Variants in DYRK1A observed in about 807,000 individuals in gnomAD.
DYRK1A encodes dual specificity tyrosine-phosphorylation-regulated kinase 1A.
DYRK1A carries 9 observed loss-of-function variants against 79.7 expected under a neutral mutation model. The ratio of observed to expected loss-of-function variants is 0.11; its 90% CI spans 0.07 to 0.20. The LOEUF (loss-of-function observed/expected upper bound fraction) is 0.20. DYRK1A is among the 10% of genes least tolerant of loss of function. The probability of loss-of-function intolerance (pLI) is 1.00; values close to 1 mark genes in which losing one functional copy is unlikely to be tolerated. For missense variants in DYRK1A, 622 were observed against 956.0 expected (o/e 0.65, Z 4.61); for synonymous variants, 349 against 329.7 (o/e 1.06, Z -0.63).
At chr21:37,454,420 T>C (rs1360510331) in intron 2 of DYRK1A, among the ~76,000 whole-genome samples, 1 of 152,136 alleles carries the variant, frequency 6.6e-6, no homozygotes, top group Non-Finnish European at 1.5e-5. Flanking sequence ...CAAAGTCTTA[T>C]TTGAGGTTGA....
At chr21:37,397,688 C>T (rs1218293563) in intron 1 of DYRK1A, among the ~76,000 whole-genome samples, 1 of 152,160 alleles carries the variant, frequency 6.6e-6, no homozygotes, top group African/African-American at 2.4e-5. Flanking sequence ...GCCTGGGGTC[C>T]TTGTTCAAAA....
intron 1 of DYRK1A, among the ~76,000 whole-genome samples, chr21:37,417,785 T>C (rs1173884224): frequency 2.6e-5 from 4 of 152,064 alleles, no homozygotes; most frequent in Admixed American, 1.3e-4. Context: ...CAAAAAACCA[T>C]GTAAGCTCGG....
chr21:37,476,818 T>TCCC lies in DYRK1A; in HGVS notation c.208-1380_208-1378dup, dbSNP rs71328590. Among the ~76,000 whole-genome samples the TCCC allele has an allele frequency of 7.4e-3, 576 of 77,974 alleles. 17 individuals carry two copies. The highest frequency in any genetic ancestry group is 0.023 in the East Asian group (53 of 2,276). 51.2% of individuals were successfully genotyped at this position (77,974 alleles called of 152,430 possible). A position where few individuals can be genotyped will look rare whatever the true frequency, so the allele number is the denominator to read the frequency against. On this transcript the variant is annotated intron_variant, in intron 3 of 11. Coordinates refer to ENST00000647188, the MANE Select transcript of DYRK1A (RefSeq NM_001347721.2). ...GACAAATAGTATAATCACCAAGGGTTCCCCCCCCCCCCAACCTTATTTGGA... is the reference window on the plus strand; with the variant it reads ...GACAAATAGTATAATCACCAAGGGTTCCCCCCCCCCCCCCCAACCTTATTTGGA...
intron 6 of DYRK1A, 49 bp downstream of exon 6, chr21:37,486,663 TTTGAGTTAATGG>T (rs2052880477): frequency 2.2e-6 from 3 of 1,374,690 alleles, no homozygotes; most frequent in Non-Finnish European, 2.9e-6. Flanking sequence ...ACACCAAAAC[TTTGAGTTAATGG>T]TTCTTTTCTA....
chr21:37,371,689 GATAC>G (rs2049433483), intron 1 of DYRK1A, among the ~76,000 whole-genome samples: 2 of 152,120 alleles, frequency 1.3e-5, no homozygotes, highest in Non-Finnish European at 2.9e-5. Flanking sequence ...GCTCATATCT[GATAC>G]ATAGTGAGTA....
chr21:37,404,985 C>T lies in DYRK1A; in HGVS notation c.-76-15314C>T, dbSNP rs1333929166. Among the ~76,000 whole-genome samples, 7 of 152,136 alleles carry T rather than the reference C, an allele frequency of 4.6e-5. No individual in the cohort carries two copies. In the East Asian group the frequency reaches 1.2e-3, roughly 25 times the overall value. ...TATCCAGCGTCATGATTCCAGAATA[C>T]AGTTTTGCTCTTACGGCATGTACAT... On this transcript the variant is annotated intron_variant, in intron 1 of 11. Transcript: ENST00000647188.
At chr21:37,455,854 C>T (rs2148513420) in intron 2 of DYRK1A, among the ~76,000 whole-genome samples, 1 of 152,308 alleles carries the variant, frequency 6.6e-6, no homozygotes, top group South Asian at 2.1e-4. Context: ...TAAACCCATT[C>T]TGCAGATGGA....
At chr21:37,489,904 T>C (rs1403956865) in intron 6 of DYRK1A, among the ~76,000 whole-genome samples, 1 of 152,188 alleles carries the variant, frequency 6.6e-6, no homozygotes, top group African/African-American at 2.4e-5. Flanking sequence ...TGTTTTCAGA[T>C]CTGACTTTTA....
chr21:37,429,562 C>A (rs971786671), intron 2 of DYRK1A, among the ~76,000 whole-genome samples: 1 of 152,118 alleles, frequency 6.6e-6, no homozygotes, highest in Admixed American at 6.5e-5. Flanking sequence ...AACCAGATCT[C>A]GCGAGAACGT....
chr21:37,491,484 C>T (rs574034242), intron 7 of DYRK1A, among the ~76,000 whole-genome samples: 1 of 152,206 alleles, frequency 6.6e-6, no homozygotes, highest in East Asian at 1.9e-4. Flanking sequence ...GTGAAATTTT[C>T]TGTCCCGTCC....
intron 11 of DYRK1A, among the ~76,000 whole-genome samples, chr21:37,508,922 C>A (rs1396817639): frequency 6.6e-6 from 1 of 152,204 alleles, no homozygotes. Flanking sequence ...TTGTCTTCTT[C>A]CCTTTCTTTC....
chr21:37,396,159 G>A (rs574484911), intron 1 of DYRK1A, among the ~76,000 whole-genome samples: 75 of 152,052 alleles, frequency 4.9e-4, no homozygotes, highest in African/African-American at 1.7e-3. Flanking sequence ...GAGGCATATT[G>A]TTATCTGGGT....
chr21:37,504,560 A>G (rs2053541168), intron 9 of DYRK1A: 1 of 152,238 alleles, frequency 6.6e-6, no homozygotes, highest in African/African-American at 2.4e-5. Context: ...GCATTGTAAC[A>G]GAAGTCAAAG....
At position 37,486,675 on chromosome 21, in the gene DYRK1A, G is replaced by A. The variant is rs557146136; in HGVS notation, c.637+61G>A. ...CCCACACCAAAACTTTGAGTTAATG[G>A]TTCTTTTCTATCAAAATATTTTGAT... is the stretch of plus-strand genomic sequence containing the variant. On this transcript the variant is annotated intron_variant, in intron 6 of 11. Coordinates refer to ENST00000647188, the MANE Select transcript of DYRK1A (RefSeq NM_001347721.2). The A allele has an allele frequency of 3.3e-5, 45 of 1,346,676 alleles. No individual in the cohort carries two copies. In the Admixed American group the frequency reaches 1.4e-3, roughly 40 times the overall value. 83.4% of individuals were successfully genotyped at this position (1,346,676 alleles called of 1,614,324 possible).
chr21:37,497,679 C>T (rs1219792450), intron 9 of DYRK1A, among the ~76,000 whole-genome samples: 4 of 152,082 alleles, frequency 2.6e-5, no homozygotes, highest in Admixed American at 2.6e-4. Flanking sequence ...ATAAAACATC[C>T]CATTCCATCT....
At chr21:37,376,198 C>T (rs1294797324) in intron 1 of DYRK1A, among the ~76,000 whole-genome samples, 1 of 152,098 alleles carries the variant, frequency 6.6e-6, no homozygotes, top group East Asian at 1.9e-4. Context: ...TCCATGTGCC[C>T]TTTACTGAGA....
At position 37,506,196 on chromosome 21, in the gene DYRK1A, C is replaced by G; in HGVS notation, c.1617C>G (p.Ala539=). The change falls in exon 11 of 12, where the codon GCC becomes GCG. Residue 539 remains alanine, a synonymous_variant. Coordinates refer to ENST00000647188, the MANE Select transcript of DYRK1A (RefSeq NM_001347721.2). ...SGGHFTAAVQ[A]MDCETHSPQV... is the part of the protein sequence containing the mutation. ...GGCACTTCACAGCTGCCGTGCAGGC[C>G]ATGGACTGCGAGACACACAGTCCCC... 6.2e-7 allele frequency: 1 copy of G among 1,614,128 alleles called. No individual in the cohort carries two copies. The highest frequency in any genetic ancestry group is 8.5e-7 in the Non-Finnish European group (1 of 1,180,024).
intron 2 of DYRK1A, among the ~76,000 whole-genome samples, chr21:37,467,660 A>AG (rs1343437187): frequency 2.6e-5 from 4 of 152,236 alleles, no homozygotes; most frequent in Non-Finnish European, 4.4e-5. Flanking sequence ...TCTATTCATG[A>AG]GGAAAAGGTC....
chr21:37,464,899 G>A (rs575455944), intron 2 of DYRK1A, among the ~76,000 whole-genome samples: 1 of 152,266 alleles, frequency 6.6e-6, no homozygotes, highest in Non-Finnish European at 1.5e-5. Flanking sequence ...GCTTAATTAT[G>A]AAATCAGGTT....
Sources: allele counts gnomAD v4.1 joint callset (sites outside exome capture counted in the v4.1 genomes callset), GRCh38; gene constraint gnomAD v4.1.1; transcripts MANE v1.5; gene names NCBI Gene and HGNC (gene_info 2026-07-23, HGNC 2026-07-21).